GLI2: variants seen among roughly 807,000 people sequenced by gnomAD.
GLI2 encodes the protein transcription activator GLI2.
Under a neutral mutation model 78.9 loss-of-function variants are expected in GLI2, and 22 were observed. That is an observed-to-expected ratio of 0.28 (90% CI 0.20 to 0.40). The LOEUF (loss-of-function observed/expected upper bound fraction) is 0.40. GLI2 is among the 10% of genes least tolerant of loss of function. The pLI, the probability that GLI2 is intolerant of heterozygous loss-of-function variation, is 1.00. For synonymous variants in GLI2, 974 were observed against 963.7 expected, an observed-to-expected ratio of 1.01 and a Z score of -0.20; for missense variants, 2,097 against 2,213.2, an observed-to-expected ratio of 0.95 and a Z score of 1.05.
At chr2:120,742,424 C>T (rs1330976927) in intron 1 of GLI2, among the ~76,000 whole-genome samples, 1 of 152,100 alleles carries the variant, frequency 6.6e-6, no homozygotes, top group Non-Finnish European at 1.5e-5. Context: ...TTATAAGGAA[C>T]TGTAAGGGCC....
intron 2 of GLI2, among the ~76,000 whole-genome samples, chr2:120,876,626 G>T (rs1430884591): frequency 6.6e-6 from 1 of 152,014 alleles, no homozygotes; most frequent in Non-Finnish European, 1.5e-5. Flanking sequence ...TCTTGCAGGG[G>T]TTTGCAGCTG....
At chr2:120,969,173 G>A (rs1682015014) in intron 6 of GLI2, among the ~76,000 whole-genome samples, 1 of 152,244 alleles carries the variant, frequency 6.6e-6, no homozygotes, top group Non-Finnish European at 1.5e-5. Flanking sequence ...AGGTGTTTGA[G>A]GTCAAAGATG....
Position 120,986,573 on chromosome 2 carries a change from C to T in GLI2, c.2201C>T (p.Pro734Leu), listed in dbSNP as rs1682989588. The change falls in exon 13 of 14, where the codon CCA (proline) becomes CTA (leucine). Residue 734 changes from proline to leucine, a missense_variant. This residue lies in a region of GLI2 where 1,290 missense variants were observed against 1,261.7 expected (regional missense o/e 1.02). Coordinates refer to ENST00000361492, the MANE Select transcript of GLI2 (RefSeq NM_001374353.1). ...KDSCSWAGPT[P>L]HTRNTKLPPL... Reference sequence around the variant, plus strand: ...TCCTGCTCATGGGCCGGGCCGACTCCACACACGCGGAACACCAAGCTGCCT... The same window carrying T: ...TCCTGCTCATGGGCCGGGCCGACTCTACACACGCGGAACACCAAGCTGCCT... 1 of 1,614,110 alleles carries T rather than the reference C, an allele frequency of 6.2e-7. No homozygotes were observed. The highest frequency in any genetic ancestry group is 8.5e-7 in the Non-Finnish European group (1 of 1,180,018).
At chr2:120,868,370 A>T (rs150680757) in intron 2 of GLI2, among the ~76,000 whole-genome samples, 27 of 152,368 alleles carry the variant, frequency 1.8e-4, no homozygotes, top group African/African-American at 6.5e-4. Context: ...GGCTTGGCAA[A>T]ATCTAGAAGA....
intron 2 of GLI2, among the ~76,000 whole-genome samples, chr2:120,875,538 G>A (rs1331494170): frequency 6.6e-6 from 1 of 152,244 alleles, no homozygotes; most frequent in Non-Finnish European, 1.5e-5. Flanking sequence ...CTGTCCTGCA[G>A]ACCCCGCCCT....
At chr2:120,952,881 C>CAAG (rs1412399512) in intron 4 of GLI2, among the ~76,000 whole-genome samples, 1 of 152,222 alleles carries the variant, frequency 6.6e-6, no homozygotes, top group Non-Finnish European at 1.5e-5. Context: ...ATGGGCTGAC[C>CAAG]AAGAGTGAGA....
At chr2:120,957,186 G>A (rs1573673386) in intron 5 of GLI2, among the ~76,000 whole-genome samples, 1 of 152,178 alleles carries the variant, frequency 6.6e-6, no homozygotes, top group South Asian at 2.1e-4. Flanking sequence ...CCTGGTGGGA[G>A]GCCATAACAT....
chr2:120,861,824 A>G (rs901139711), intron 2 of GLI2, among the ~76,000 whole-genome samples: 1 of 152,074 alleles, frequency 6.6e-6, no homozygotes, highest in South Asian at 2.1e-4. Context: ...TGGCCTGTCC[A>G]CCCCACAGAC....
intron 2 of GLI2, among the ~76,000 whole-genome samples, chr2:120,812,700 G>A (rs550561646): frequency 2.0e-5 from 3 of 152,250 alleles, no homozygotes; most frequent in Admixed American, 6.5e-5. Flanking sequence ...TCAGGCTGCC[G>A]GGGAGCCCCT....
At chr2:120,774,913 T>A (rs1683632274) in intron 1 of GLI2, among the ~76,000 whole-genome samples, 1 of 152,240 alleles carries the variant, frequency 6.6e-6, no homozygotes, top group Admixed American at 6.5e-5. Flanking sequence ...TTTTCTGTGA[T>A]GTGGCCCCCT....
intron 2 of GLI2, among the ~76,000 whole-genome samples, chr2:120,927,023 C>T (rs866828080): frequency 6.6e-6 from 1 of 152,332 alleles, no homozygotes; most frequent in South Asian, 2.1e-4. Context: ...CAGAAGCCGG[C>T]GGAGTTGGAG....
At chr2:120,983,222 G>A (rs1682799454) in intron 11 of GLI2, among the ~76,000 whole-genome samples, 1 of 152,100 alleles carries the variant, frequency 6.6e-6, no homozygotes, top group African/African-American at 2.4e-5. Flanking sequence ...GCAGGGAAGT[G>A]GCCCTTCTGA....
At chr2:120,978,357 G>A (rs1682559262) in intron 9 of GLI2, 77 bp from the exon 10 acceptor site, 7 of 1,549,336 alleles carry the variant, frequency 4.5e-6, no homozygotes, top group Non-Finnish European at 6.2e-6. Flanking sequence ...GCCGGTGCAG[G>A]TGGTCAGCTG....
intron 2 of GLI2, among the ~76,000 whole-genome samples, chr2:120,851,053 T>TA (rs1558833543): frequency 6.6e-6 from 1 of 152,228 alleles, no homozygotes; most frequent in African/African-American, 2.4e-5. Context: ...ATTTGTTCTT[T>TA]AAAAAATCAT....
At chr2:120,907,542 C>T (rs140107049) in intron 2 of GLI2, among the ~76,000 whole-genome samples, 169 of 152,302 alleles carry the variant, frequency 1.1e-3, no homozygotes, top group African/African-American at 3.9e-3. Context: ...TCACGTTATT[C>T]AGCCGGGCTG....
Position 120,738,694 on chromosome 2 carries a change from A to C in GLI2, c.-31+2409A>C, listed in dbSNP as rs552821924. On this transcript the variant is annotated intron_variant, in intron 1 of 13. Coordinates refer to ENST00000361492, the MANE Select transcript of GLI2 (RefSeq NM_001374353.1). ...TAGAATTATAGGTAGAAAGAATTAG[A>C]ATGATAGTAGAAAGAGCCTCCCAAG... Among the ~76,000 whole-genome samples the C allele has an allele frequency of 1.3e-4, 20 of 152,282 alleles. No individual in the cohort carries two copies. The East Asian group carries it at 3.5e-3, about 27-fold the overall frequency.
intron 1 of GLI2, among the ~76,000 whole-genome samples, chr2:120,739,697 G>A (rs1375111724): frequency 6.6e-6 from 1 of 152,222 alleles, no homozygotes; most frequent in Non-Finnish European, 1.5e-5. Flanking sequence ...AAGGAACCCG[G>A]GGGAGCACTT....
chr2:120,958,778 A>G (rs889154996), intron 5 of GLI2, among the ~76,000 whole-genome samples: 1 of 151,976 alleles, frequency 6.6e-6, no homozygotes, highest in African/African-American at 2.4e-5. Flanking sequence ...GAGACCCCAC[A>G]AGAATCCAGC....
intron 2 of GLI2, among the ~76,000 whole-genome samples, chr2:120,853,659 G>C (rs947428898): frequency 1.3e-5 from 2 of 152,198 alleles, no homozygotes; most frequent in Admixed American, 1.3e-4. Flanking sequence ...TCCAATGAAG[G>C]TCTCCCTTTT....
Sources: gnomAD v4.1 joint callset for allele counts (sites outside exome capture counted in the v4.1 genomes callset) on GRCh38, gnomAD v4.1.1 for gene constraint, gnomAD v4.1.1 regional missense constraint, MANE v1.5 for transcripts, NCBI Gene and HGNC (gene_info 2026-07-23, HGNC 2026-07-21) for gene names.